CFAP47: variants seen among roughly 807,000 people sequenced by gnomAD.
CFAP47 encodes the protein cilia- and flagella-associated protein 47.
In CFAP47, 29 loss-of-function variants were observed where a neutral mutation model predicts 148.1. The ratio of observed to expected loss-of-function variants is 0.20; its 90% confidence interval spans 0.15 to 0.27. The LOEUF is 0.27. Among genes scored for constraint, CFAP47 ranks in the 10% least tolerant of loss-of-function variants. The pLI, the probability that CFAP47 is intolerant of heterozygous loss-of-function variation, is 1.00. For synonymous variants in CFAP47, 664 were observed against 577.3 expected (o/e 1.15, Z -2.15); for missense variants, 1,872 against 1,697.5 (o/e 1.10, Z -1.81).
intron 61 of CFAP47, among the ~76,000 whole-genome samples, chrX:36,364,158 T>G (rs782705595): frequency 5.4e-5 from 6 of 110,857 alleles, no homozygotes; most frequent in Non-Finnish European, 7.6e-5. Context: ...ATCTACAGTA[T>G]TGATCATAAA....
chrX:36,033,727 A>C (rs1035934261), intron 23 of CFAP47, among the ~76,000 whole-genome samples: 3 of 111,708 alleles, frequency 2.7e-5, no homozygotes, highest in Non-Finnish European at 5.7e-5. Flanking sequence ...TTTAGAAAGA[A>C]ATGAGGTATG....
chrX:36,173,391 T>G (rs1189687341), intron 39 of CFAP47, among the ~76,000 whole-genome samples: 2 of 111,963 alleles, frequency 1.8e-5, no homozygotes, highest in African/African-American at 6.5e-5. Context: ...ATTGTGATGT[T>G]AGGGTATCAA....
intron 40 of CFAP47, among the ~76,000 whole-genome samples, chrX:36,182,120 C>T (rs768872439): frequency 8.9e-6 from 1 of 112,220 alleles, no homozygotes; most frequent in East Asian, 2.8e-4. Context: ...ATTAAACTAT[C>T]CAGAGCTCCG....
At chrX:36,157,188 A>G (rs988706606) in intron 37 of CFAP47, among the ~76,000 whole-genome samples, 3 of 112,378 alleles carry the variant, frequency 2.7e-5, no homozygotes, top group African/African-American at 6.5e-5. Context: ...CCTCTATATT[A>G]GAATGACAGC....
chrX:36,372,837 T>C (rs1941985213), intron 62 of CFAP47, among the ~76,000 whole-genome samples: 1 of 112,164 alleles, frequency 8.9e-6, no homozygotes, highest in African/African-American at 3.2e-5. Flanking sequence ...TTTAAAATTG[T>C]GTGTTCTTGA....
At chrX:36,241,421 G>C (rs368897178) in intron 48 of CFAP47, among the ~76,000 whole-genome samples, 1 of 111,605 alleles carries the variant, frequency 9.0e-6, no homozygotes, top group Non-Finnish European at 1.9e-5. Flanking sequence ...TGGAACTGGG[G>C]CACATTTATT....
intron 2 of CFAP47, among the ~76,000 whole-genome samples, chrX:35,941,080 T>A (rs1312203990): frequency 8.9e-6 from 1 of 111,884 alleles, no homozygotes; most frequent in African/African-American, 3.2e-5. Context: ...CTCATTTCTT[T>A]GTTAAAAATG....
chrX:36,311,406 C>T (rs1184663811), intron 56 of CFAP47, among the ~76,000 whole-genome samples: 1 of 110,745 alleles, frequency 9.0e-6, no homozygotes, highest in Non-Finnish European at 1.9e-5. Context: ...TTCAATCAGC[C>T]TTGTCCCTTT....
chrX:36,033,401 C>T (rs1035868196), intron 23 of CFAP47, among the ~76,000 whole-genome samples: 72 of 111,504 alleles, frequency 6.5e-4, no homozygotes, highest in African/African-American at 2.3e-3. Context: ...ACATACTGAA[C>T]AAATTAACCA....
At chrX:36,368,309 C>CA (rs1192040413) in intron 62 of CFAP47, among the ~76,000 whole-genome samples, 4 of 111,383 alleles carry the variant, frequency 3.6e-5, no homozygotes, top group Non-Finnish European at 7.6e-5. Flanking sequence ...AAAACAAATG[C>CA]AAAAATGGTA....
chrX:36,132,014 A>G (rs1163859410), intron 33 of CFAP47, among the ~76,000 whole-genome samples: 1 of 109,394 alleles, frequency 9.1e-6, no homozygotes, highest in Non-Finnish European at 1.9e-5. Context: ...TATGTGAATT[A>G]TATCTCAATA....
At chrX:35,924,126 T>C (rs766064452) in intron 1 of CFAP47, among the ~76,000 whole-genome samples, 4 of 99,787 alleles carry the variant, frequency 4.0e-5, no homozygotes, top group Admixed American at 2.2e-4. Flanking sequence ...TATGCGTACA[T>C]ATATGTATAT....
At chrX:36,289,777 T>C (rs1556005290) in intron 51 of CFAP47, among the ~76,000 whole-genome samples, 1 of 112,312 alleles carries the variant, frequency 8.9e-6, no homozygotes, top group Non-Finnish European at 1.9e-5. Context: ...AATTCTGAAT[T>C]GATTTTGTAC....
intron 52 of CFAP47, among the ~76,000 whole-genome samples, chrX:36,300,112 T>TA (rs1941283608): frequency 9.0e-6 from 1 of 111,163 alleles, no homozygotes; most frequent in Non-Finnish European, 1.9e-5. Context: ...CCTACTCTGT[T>TA]ATCATCATTG....
chrX:36,254,414 G>T (rs1406612947), intron 49 of CFAP47, among the ~76,000 whole-genome samples: 2 of 111,119 alleles, frequency 1.8e-5, no homozygotes, highest in African/African-American at 6.6e-5. Context: ...TTTACTTATT[G>T]CACTGGGAGC....
At chrX:36,102,675 A>G (rs922216912) in intron 32 of CFAP47, among the ~76,000 whole-genome samples, 13 of 111,649 alleles carry the variant, frequency 1.2e-4, no homozygotes, top group Admixed American at 1.9e-4. Flanking sequence ...ATCCTGAGCC[A>G]GTTCAGGTCA....
chrX:35,966,396 A>G (rs774497048), intron 8 of CFAP47, among the ~76,000 whole-genome samples, 169 bp from the exon 9 acceptor site: 4 of 107,523 alleles, frequency 3.7e-5, no homozygotes, highest in Non-Finnish European at 5.8e-5. Context: ...TAAGAAAAGT[A>G]ATGAATATTT....
Position 36,002,577 on chromosome X carries a change from C to T in CFAP47, c.3417+870C>T, listed in dbSNP as rs184986906. On this transcript the variant is annotated intron_variant, in intron 21 of 63. Coordinates refer to ENST00000378653, the MANE Select transcript of CFAP47 (RefSeq NM_001304548.2). Reference sequence around the variant, plus strand: ...AGCCTGGGCAACAAGAGCGAGATTTCGTCTCAAAAAACCAACCAACCAACC... The same window carrying T: ...AGCCTGGGCAACAAGAGCGAGATTTTGTCTCAAAAAACCAACCAACCAACC... Among the ~76,000 whole-genome samples the T allele has an allele frequency of 5.4e-3, 597 of 110,966 alleles. 5 individuals carry two copies. The highest frequency in any genetic ancestry group is 0.019 in the African/African-American group (571 of 30,524).
chrX:36,136,783 T>C (rs1290088225), intron 33 of CFAP47, among the ~76,000 whole-genome samples: 1 of 111,909 alleles, frequency 8.9e-6, no homozygotes, highest in African/African-American at 3.2e-5. Flanking sequence ...AGGTTATCAT[T>C]ATTCAGCCAA....
Sources: gnomAD v4.1 joint callset for allele counts (sites outside exome capture counted in the v4.1 genomes callset) on GRCh38, gnomAD v4.1.1 for gene constraint, MANE v1.5 for transcripts, NCBI Gene and HGNC (gene_info 2026-07-23, HGNC 2026-07-21) for gene names.